Variants in SEMA6D observed in about 807,000 individuals in gnomAD.
SEMA6D encodes the protein semaphorin 6D, also known as semaphorin-6D.
SEMA6D carries 35 observed loss-of-function variants against 106.6 expected under a neutral mutation model. That is an observed-to-expected ratio of 0.33 (90% CI 0.25 to 0.44). SEMA6D has a LOEUF of 0.44. SEMA6D is among the 20% of genes least tolerant of loss of function. SEMA6D has a pLI of 1.00. For synonymous variants in SEMA6D, 499 were observed against 487.7 expected (o/e 1.02, Z -0.31); for missense variants, 1,185 against 1,345.9 (o/e 0.88, Z 1.87).
At chr15:47,246,118 G>C (rs2033181632) in intron 1 of SEMA6D, among the ~76,000 whole-genome samples, 1 of 152,138 alleles carries the variant, frequency 6.6e-6, no homozygotes, top group Non-Finnish European at 1.5e-5. Context: ...CTGGGTCCTA[G>C]CAGGGAACAA....
chr15:47,192,166 G>C (rs1894007529), intron 1 of SEMA6D, among the ~76,000 whole-genome samples: 1 of 152,086 alleles, frequency 6.6e-6, no homozygotes, highest in Non-Finnish European at 1.5e-5. Context: ...TAAACACTCA[G>C]TGCCTCTGTC....
chr15:47,229,923 A>G (rs1167480045), intron 1 of SEMA6D, among the ~76,000 whole-genome samples: 1 of 152,144 alleles, frequency 6.6e-6, no homozygotes, highest in Non-Finnish European at 1.5e-5. Context: ...ACTTAGTTAA[A>G]TTTGAATTTC....
chr15:47,268,965 A>G (rs1280402086), intron 1 of SEMA6D, among the ~76,000 whole-genome samples: 4 of 152,054 alleles, frequency 2.6e-5, no homozygotes, highest in Non-Finnish European at 5.9e-5. Context: ...TAGATGTTAC[A>G]TGGCTATTCA....
At chr15:47,444,647 T>A (rs2041975993) in intron 2 of SEMA6D, among the ~76,000 whole-genome samples, 1 of 152,150 alleles carries the variant, frequency 6.6e-6, no homozygotes, top group Admixed American at 6.6e-5. Context: ...TTAAAAATTA[T>A]AAAGATTTTC....
chr15:47,561,387 C>G (rs1303632516), intron 3 of SEMA6D, among the ~76,000 whole-genome samples: 1 of 151,926 alleles, frequency 6.6e-6, no homozygotes, highest in Non-Finnish European at 1.5e-5. Flanking sequence ...CCAGCAAAAC[C>G]ATCCTTCAAA....
In SEMA6D at chr15:47,608,529, C is replaced by T. The variant is rs530947650; in HGVS notation, c.-55+7633C>T. 7.9e-5 allele frequency among the ~76,000 whole-genome samples: 12 copies of T among 152,094 alleles called. No homozygotes were observed. The South Asian group carries it at 2.1e-3, about 26-fold the overall frequency. On this transcript the variant is annotated intron_variant, in intron 4 of 19. Coordinates refer to the SEMA6D transcript ENST00000558014. ...TGGTGGAGGAAAGCTACTTTTTTTG[C>T]TTTTCCTCATTATTCCCTTCATAAT...
Position 47,551,621 on chromosome 15 carries a change from C to T in SEMA6D, c.-86-49244C>T, listed in dbSNP as rs187283907. The stretch of plus-strand genomic sequence containing the variant: ...GTGCTTCCAATACACAGGGCAAATA[C>T]TTGACTGATATGCCTAGCCCTCACC... On this transcript the variant is annotated intron_variant, in intron 3 of 19. Coordinates refer to the SEMA6D transcript ENST00000558014. 5.9e-5 allele frequency among the ~76,000 whole-genome samples: 9 copies of T among 151,714 alleles called. No individual in the cohort carries two copies. The East Asian group carries it at 1.7e-3, about 29-fold the overall frequency.
intron 3 of SEMA6D, among the ~76,000 whole-genome samples, chr15:47,509,595 T>C (rs2044159944): frequency 6.6e-6 from 1 of 152,218 alleles, no homozygotes; most frequent in Non-Finnish European, 1.5e-5. Flanking sequence ...ACAGCTACTT[T>C]CTATCCCAAA....
chr15:47,771,925 C>A lies in SEMA6D; in HGVS notation c.*140C>A. On this transcript the variant is annotated 3_prime_UTR_variant, in exon 19 of 19. Transcript: ENST00000536845. ...CCAAAGAAACTCTTTCTAACTTTGG[C>A]AACATCAGAACTTGCCACATGTAGC... is the stretch of plus-strand genomic sequence containing the variant. 2 of 893,318 alleles carry A rather than the reference C, an allele frequency of 2.2e-6. No individual in the cohort carries two copies. Among genetic ancestry groups the A allele is most frequent in the South Asian group, 3.5e-5 (2 of 57,726 alleles). 55.3% of individuals were successfully genotyped at this position (893,318 alleles called of 1,614,324 possible).
At chr15:47,665,538 G>A (rs2078009210) in intron 4 of SEMA6D, among the ~76,000 whole-genome samples, 1 of 152,170 alleles carries the variant, frequency 6.6e-6, no homozygotes, top group Non-Finnish European at 1.5e-5. Context: ...ATCCAGGCAT[G>A]GTGGCTCACA....
intron 4 of SEMA6D, among the ~76,000 whole-genome samples, chr15:47,709,880 CAA>C (rs199899821): frequency 3.9e-5 from 5 of 126,978 alleles, no homozygotes; most frequent in South Asian, 2.5e-4. Context: ...TAAAAACTGG[CAA>C]AAAAAAAAAA....
At chr15:47,546,046 G>C (rs1363105771) in intron 3 of SEMA6D, among the ~76,000 whole-genome samples, 1 of 152,148 alleles carries the variant, frequency 6.6e-6, no homozygotes, top group African/African-American at 2.4e-5. Flanking sequence ...ACACTCGCTA[G>C]AGTGCATTTA....
intron 4 of SEMA6D, among the ~76,000 whole-genome samples, chr15:47,602,215 T>A (rs2076677347): frequency 1.3e-5 from 2 of 152,144 alleles, no homozygotes; most frequent in Admixed American, 6.5e-5. Flanking sequence ...AATATAATGT[T>A]CTTCTTAACC....
intron 1 of SEMA6D, among the ~76,000 whole-genome samples, chr15:47,384,959 A>G (rs1420362059): frequency 1.3e-5 from 2 of 150,538 alleles, no homozygotes; most frequent in African/African-American, 4.9e-5. Context: ...GATTTCTAGC[A>G]GAGGATATTT....
chr15:47,201,876 C>T (rs899677022), intron 1 of SEMA6D, among the ~76,000 whole-genome samples: 8 of 152,176 alleles, frequency 5.3e-5, no homozygotes, highest in South Asian at 2.1e-4. Flanking sequence ...CCAGCCCAGA[C>T]GGCATGCCTT....
chr15:47,373,162 A>G lies in SEMA6D; in HGVS notation c.-238-39231A>G, dbSNP rs2039335411. On this transcript the variant is annotated intron_variant, in intron 1 of 19. Transcript: ENST00000558014. Reference sequence around the variant, plus strand: ...AATCAAGGGGTGAATAACCAGGGATATGTGACTATGGAGCCCATAATATCC... The same window carrying G: ...AATCAAGGGGTGAATAACCAGGGATGTGTGACTATGGAGCCCATAATATCC... Among the ~76,000 whole-genome samples, 4 of 152,298 alleles carry G rather than the reference A, an allele frequency of 2.6e-5. No homozygotes were observed. In the South Asian group the frequency reaches 6.2e-4, roughly 24 times the overall value.
At chr15:47,765,585 G>A (rs993633020) in intron 13 of SEMA6D, 1 of 543,274 alleles carries the variant, frequency 1.8e-6, no homozygotes, top group Admixed American at 4.8e-5. Context: ...ATTAAAGCAC[G>A]ATCCTTTTTA....
At chr15:47,422,299 TAGTAATCA>T in intron 2 of SEMA6D, among the ~76,000 whole-genome samples, 1 of 151,174 alleles carries the variant, frequency 6.6e-6, no homozygotes, top group Non-Finnish European at 1.5e-5. Flanking sequence ...AAACCAAACC[TAGTAATCA>T]TCATCTTTAA....
At chr15:47,201,082 A>G (rs1430695239) in intron 1 of SEMA6D, among the ~76,000 whole-genome samples, 4 of 152,190 alleles carry the variant, frequency 2.6e-5, no homozygotes, top group African/African-American at 7.2e-5. Context: ...TCATCGATTT[A>G]GTAGAAAGCT....
Sources: gnomAD v4.1 joint callset for allele counts (sites outside exome capture counted in the v4.1 genomes callset) on GRCh38, gnomAD v4.1.1 for gene constraint, MANE v1.5 for transcripts, NCBI Gene and HGNC (gene_info 2026-07-23, HGNC 2026-07-21) for gene names.